The following SNTG1 variants were observed in gnomAD, a reference collection of about 807,000 sequenced individuals.
SNTG1 encodes the protein gamma-1-syntrophin.
A neutral mutation model predicts 74.7 loss-of-function variants in SNTG1; 39 were observed. The ratio of observed to expected loss-of-function variants is 0.52; its 90% CI spans 0.40 to 0.68. The LOEUF (loss-of-function observed/expected upper bound fraction) is 0.68, where lower values mean the gene tolerates loss of function less well. Ranked by LOEUF, SNTG1 falls within the 30% of genes least tolerant of loss-of-function variation. The pLI is 0.00. For missense variants in SNTG1, 685 were observed against 609.5 expected (o/e 1.12, Z -1.30); for synonymous variants, 254 against 217.1 (o/e 1.17, Z -1.49).
rs1053221543 is a variant in SNTG1 at position 50,794,093 on chromosome 8, A to C, written c.*1264A>C. 6.6e-6 allele frequency: 1 copy of C among 151,464 alleles called. No homozygotes were observed. Among genetic ancestry groups the C allele is most frequent in the African/African-American group, 2.4e-5 (1 of 41,252 alleles). 9.4% of individuals were successfully genotyped at this position (151,464 alleles called of 1,614,324 possible). On this transcript the variant is annotated 3_prime_UTR_variant, in exon 19 of 19. Transcript: ENST00000642720. Reference sequence around the variant, plus strand: ...TGTCCTTCAGTACAGCTTTTTTGAGATATTTTAAAAAGTCAGCTGTGTATG... The same window carrying C: ...TGTCCTTCAGTACAGCTTTTTTGAGCTATTTTAAAAAGTCAGCTGTGTATG...
intron 13 of SNTG1, among the ~76,000 whole-genome samples, chr8:50,598,612 A>C (rs2094748847): frequency 6.6e-6 from 1 of 151,998 alleles, no homozygotes; most frequent in Non-Finnish European, 1.5e-5. Context: ...AAAATCTGTG[A>C]AAATGGCATT....
chr8:50,550,917 G>A (rs920708902), intron 11 of SNTG1, among the ~76,000 whole-genome samples: 2 of 152,022 alleles, frequency 1.3e-5, no homozygotes, highest in African/African-American at 4.8e-5. Flanking sequence ...TGCTTGATGA[G>A]ACAATAATTC....
chr8:50,212,763 T>C (rs1384152822), intron 2 of SNTG1, among the ~76,000 whole-genome samples: 2 of 152,156 alleles, frequency 1.3e-5, no homozygotes, highest in African/African-American at 4.8e-5. Context: ...ATGGAACAGA[T>C]CAGACACAGT....
intron 2 of SNTG1, among the ~76,000 whole-genome samples, chr8:50,197,881 T>C (rs187623659): frequency 1.3e-5 from 2 of 152,306 alleles, no homozygotes; most frequent in Admixed American, 1.3e-4. Context: ...TTTCTTTTTT[T>C]ATTTTAAAAA....
intron 12 of SNTG1, among the ~76,000 whole-genome samples, chr8:50,571,781 T>C (rs1203561800): frequency 6.6e-6 from 1 of 152,152 alleles, no homozygotes; most frequent in African/African-American, 2.4e-5. Context: ...CTACCAGGCA[T>C]AGGAGTAAAG....
chr8:50,578,291 C>T (rs535624074), intron 12 of SNTG1, among the ~76,000 whole-genome samples: 1 of 152,270 alleles, frequency 6.6e-6, no homozygotes, highest in Admixed American at 6.5e-5. Context: ...TGGGCATAGC[C>T]TTTGTGTCAG....
At chr8:49,924,174 A>T (rs902139187) in intron 1 of SNTG1, among the ~76,000 whole-genome samples, 4 of 152,208 alleles carry the variant, frequency 2.6e-5, no homozygotes, top group Non-Finnish European at 5.9e-5. Flanking sequence ...CTTAAATTTC[A>T]ACAATATATA....
At chr8:50,569,071 A>G (rs2094532307) in intron 12 of SNTG1, 1 of 152,224 alleles carries the variant, frequency 6.6e-6, no homozygotes, top group Non-Finnish European at 1.5e-5. Flanking sequence ...CATTCTGTTT[A>G]ACAAAATCCA....
At chr8:50,279,719 T>G (rs1203074045) in intron 2 of SNTG1, among the ~76,000 whole-genome samples, 1 of 152,188 alleles carries the variant, frequency 6.6e-6, no homozygotes, top group Non-Finnish European at 1.5e-5. Context: ...AATTACTATA[T>G]TGCCAGAGTA....
intron 2 of SNTG1, among the ~76,000 whole-genome samples, chr8:50,273,654 C>T (rs913322072): frequency 4.6e-5 from 7 of 152,132 alleles, no homozygotes; most frequent in African/African-American, 1.7e-4. Context: ...CAGTGTAGGC[C>T]TCCTGGGGCT....
At chr8:49,947,806 T>A (rs1809337060) in intron 1 of SNTG1, among the ~76,000 whole-genome samples, 2 of 152,184 alleles carry the variant, frequency 1.3e-5, no homozygotes, top group Admixed American at 1.3e-4. Flanking sequence ...AAATATGTTT[T>A]GACTCTATTA....
intron 12 of SNTG1, among the ~76,000 whole-genome samples, chr8:50,553,522 G>A (rs1398640998): frequency 6.6e-6 from 1 of 152,132 alleles, no homozygotes; most frequent in Non-Finnish European, 1.5e-5. Context: ...TACCTTTAGT[G>A]ATCTTAGAAT....
chr8:50,305,593 G>A (rs2089857394), intron 2 of SNTG1, among the ~76,000 whole-genome samples: 1 of 147,646 alleles, frequency 6.8e-6, no homozygotes, highest in Non-Finnish European at 1.5e-5. Context: ...CCATTATTTT[G>A]GTTTTTACTT....
At chr8:50,412,512 G>A (rs906975383) in intron 4 of SNTG1, among the ~76,000 whole-genome samples, 1 of 152,134 alleles carries the variant, frequency 6.6e-6, no homozygotes, top group South Asian at 2.1e-4. Flanking sequence ...GTGAATGCAA[G>A]TAAAAGAGAA....
chr8:49,960,833 C>T (rs960863042), intron 1 of SNTG1, among the ~76,000 whole-genome samples: 1 of 152,136 alleles, frequency 6.6e-6, no homozygotes, highest in Non-Finnish European at 1.5e-5. Context: ...CCCTCCTCCT[C>T]CTCTCTTTGG....
chr8:50,792,593 GA>G (rs144613675), intron 18 of SNTG1, 77 bp from the exon 19 acceptor site: 22 of 1,390,920 alleles, frequency 1.6e-5, no homozygotes, highest in South Asian at 4.4e-5. Flanking sequence ...TATTGAAATT[GA>G]AAAAAAATCT....
chr8:49,938,603 T>TTTTTTTCTTTCTTTCTTTCTTTCTTTC (rs1554524905), intron 1 of SNTG1, among the ~76,000 whole-genome samples: 1 of 74,754 alleles, frequency 1.3e-5, no homozygotes, highest in African/African-American at 4.5e-5. Flanking sequence ...TTTTCTTTTC[T>TTTTTTTCTTTCTTTCTTTCTTTCTTTC]TTTCTTTCTT....
intron 2 of SNTG1, among the ~76,000 whole-genome samples, chr8:50,388,914 A>G (rs1484785791): frequency 6.6e-6 from 1 of 152,152 alleles, no homozygotes; most frequent in Non-Finnish European, 1.5e-5. Context: ...TATTTGACGC[A>G]GGAGTCTTCA....
chr8:50,723,238 C>T (rs888390187), intron 17 of SNTG1, among the ~76,000 whole-genome samples: 2 of 152,120 alleles, frequency 1.3e-5, no homozygotes, highest in South Asian at 2.1e-4. Context: ...AAATTCCAGG[C>T]TTTAAAATAT....
Sources: gnomAD v4.1 joint callset for allele counts (sites outside exome capture counted in the v4.1 genomes callset) on GRCh38, gnomAD v4.1.1 for gene constraint, MANE v1.5 for transcripts, NCBI Gene and HGNC (gene_info 2026-07-23, HGNC 2026-07-21) for gene names.